SLC22A12: variants seen among roughly 807,000 people sequenced by gnomAD.
SLC22A12 encodes solute carrier family 22 member 12, also known as organic anion transporter 4-like protein.
SLC22A12 carries 56 observed loss-of-function variants against 52.7 expected under a neutral mutation model. The observed-to-expected ratio is 1.06, with a 90% CI of 0.86 to 1.33. SLC22A12 has a LOEUF of 1.33. Among genes scored for constraint, SLC22A12 ranks in the 40% most tolerant of loss-of-function variants. The probability of loss-of-function intolerance (pLI) is 0.00; values close to 1 mark genes in which losing one functional copy is unlikely to be tolerated. For synonymous variants in SLC22A12, 337 were observed against 324.6 expected (o/e 1.04, Z -0.41); for missense variants, 683 against 741.5 (o/e 0.92, Z 0.92).
In SLC22A12 at chr11:64,593,582, T is replaced by A. The variant is rs929021020; in HGVS notation, c.661+23T>A. Reference sequence around the variant, plus strand: ...TCCGTAGGTCTCTGACCTGGCGCCATGCAGGGGGGCTCCATGCAGGCTCCA... The same window carrying A: ...TCCGTAGGTCTCTGACCTGGCGCCAAGCAGGGGGGCTCCATGCAGGCTCCA... On this transcript the variant is annotated intron_variant, in intron 3 of 9. Coordinates refer to ENST00000377574, the MANE Select transcript of SLC22A12 (RefSeq NM_144585.4). 1.9e-6 allele frequency: 3 copies of A among 1,614,002 alleles called. No homozygotes were observed. The African/African-American group carries it at 4.0e-5, about 22-fold the overall frequency.
Position 64,592,887 on chromosome 11 carries a change from G to A in SLC22A12, c.506+5G>A. The A allele has an allele frequency of 1.2e-6, 2 of 1,612,138 alleles. No individual in the cohort carries two copies. The highest frequency in any genetic ancestry group is 1.7e-6 in the Non-Finnish European group (2 of 1,179,024). ...GTGCGGCCCTGCCTCAGACAGGTGA[G>A]TACCCCCAGTCCAGGCAGGTCCCAG... On this transcript the variant is annotated splice_donor_5th_base_variant and intron_variant, in intron 2 of 9. Transcript: ENST00000377574.
chr11:64,592,177 G>T (rs1013199344), intron 1 of SLC22A12, among the ~76,000 whole-genome samples: 24 of 152,286 alleles, frequency 1.6e-4, no homozygotes, highest in African/African-American at 5.5e-4. Context: ...GGTGCGGGGG[G>T]CACCTGGGCG....
At chr11:64,600,337 C>T (rs1428865103) in intron 7 of SLC22A12, 30 bp from the exon 8 acceptor site, 5 of 1,542,388 alleles carry the variant, frequency 3.2e-6, no homozygotes, top group Non-Finnish European at 4.4e-6. Flanking sequence ...GGCCCCCCAC[C>T]AAGCTCACTA....
At chr11:64,599,492 G>A (rs2039370093) in intron 6 of SLC22A12, among the ~76,000 whole-genome samples, 184 bp from the exon 7 acceptor site, 1 of 152,106 alleles carries the variant, frequency 6.6e-6, no homozygotes, top group Non-Finnish European at 1.5e-5. Flanking sequence ...TGCTGGCAAG[G>A]GGACCTGATA....
At position 64,600,380 on chromosome 11, in the gene SLC22A12, G is replaced by A. The variant is rs2039413615; in HGVS notation, c.1299G>A (p.Leu433=). 4 of 1,605,250 alleles carry A rather than the reference G, an allele frequency of 2.5e-6. No homozygotes were observed. The highest frequency in any genetic ancestry group is 3.4e-6 in the Non-Finnish European group (4 of 1,178,560). ...CTCTACCCACAGAAATGGGGGCTCT[G>A]CGCTCAGCCTTGGCCGTGCTGGGGC... ...NTLVPHEMGA[L]RSALAVLGLG... The change falls in exon 8 of 10, where the codon CTG becomes CTA. Residue 433 remains leucine (L), a synonymous_variant. Coordinates refer to ENST00000377574, the MANE Select transcript of SLC22A12 (RefSeq NM_144585.4).
intron 4 of SLC22A12, among the ~76,000 whole-genome samples, chr11:64,594,858 G>GATGGATGGATGGTTGGA (rs2039050579): frequency 6.7e-6 from 1 of 149,636 alleles, no homozygotes; most frequent in Non-Finnish European, 1.5e-5. Flanking sequence ...AGATGGAATG[G>GATGGATGGATGGTTGGA]ATGGATGGAT....
rs773056096 is a variant in SLC22A12 at position 64,601,590 on chromosome 11, G to C, written c.*39G>C. ...CTGCGATGGGACGGTCAGAGGAAGA[G>C]ACTTCTTCTGTTCTCTGGAGAAGGC... is the stretch of plus-strand genomic sequence containing the variant. On this transcript the variant is annotated 3_prime_UTR_variant, in exon 10 of 10. Coordinates refer to ENST00000377574, the MANE Select transcript of SLC22A12 (RefSeq NM_144585.4). 2 of 1,597,648 alleles carry C rather than the reference G, an allele frequency of 1.3e-6. No individual in the cohort carries two copies. The highest frequency in any genetic ancestry group is 1.7e-6 in the Non-Finnish European group (2 of 1,165,738).
At chr11:64,597,178 C>T (rs570860884) in intron 4 of SLC22A12, among the ~76,000 whole-genome samples, 5 of 152,226 alleles carry the variant, frequency 3.3e-5, no homozygotes, top group South Asian at 4.1e-4. Flanking sequence ...CCCTCTTCTC[C>T]GCCCAAACTG....
At chr11:64,596,099 T>G (rs1376919225) in intron 4 of SLC22A12, among the ~76,000 whole-genome samples, 1 of 150,962 alleles carries the variant, frequency 6.6e-6, no homozygotes, top group African/African-American at 2.4e-5. Context: ...AATGGATGGA[T>G]GGATGGAATG....
At chr11:64,596,259 G>A (rs2039224242) in intron 4 of SLC22A12, among the ~76,000 whole-genome samples, 4 of 131,258 alleles carry the variant, frequency 3.0e-5, no homozygotes, top group Non-Finnish European at 5.1e-5. Context: ...TGGATGGATG[G>A]ATGGATGGAT....
intron 4 of SLC22A12, among the ~76,000 whole-genome samples, chr11:64,595,330 GA>G (rs2039118106): frequency 8.0e-6 from 1 of 124,468 alleles, no homozygotes; most frequent in Non-Finnish European, 1.7e-5. Flanking sequence ...TGGATGGATG[GA>G]TGGTTGAATG....
At position 64,600,778 on chromosome 11, in the gene SLC22A12, G is replaced by A. The variant is rs200599563; in HGVS notation, c.1438G>A (p.Ala480Thr). 2 of 1,605,454 alleles carry A rather than the reference G, an allele frequency of 1.2e-6. No individual in the cohort carries two copies. Among genetic ancestry groups the A allele is most frequent in the East Asian group, 2.2e-5 (1 of 44,878 alleles). ...GGGCCAGATGGCAGCCCGTGGAGGAGCCATCCTGGGGCCTCTGGTCCGGCT... is the reference window on the plus strand; with the variant it reads ...GGGCCAGATGGCAGCCCGTGGAGGAACCATCCTGGGGCCTCTGGTCCGGCT... ...GLGQMAARGG[A>T]ILGPLVRLLG... is the part of the protein sequence containing the mutation. Residue 480 changes from alanine (A) to threonine (T), a missense_variant, in exon 9 of 10, where the codon GCC (alanine) becomes ACC (threonine). Ala to Thr is a moderately conservative substitution (Grantham distance 58). Coordinates refer to ENST00000377574, the MANE Select transcript of SLC22A12 (RefSeq NM_144585.4).
Position 64,602,088 on chromosome 11 carries a change from T to G in SLC22A12, c.*537T>G, listed in dbSNP as rs893795642. Reference sequence around the variant, plus strand: ...TGCCCGCCACATCCTCTGCCTGCTGTCCCCTTCCCACCCTCATCCCTGACC... The same window carrying G: ...TGCCCGCCACATCCTCTGCCTGCTGGCCCCTTCCCACCCTCATCCCTGACC... On this transcript the variant is annotated 3_prime_UTR_variant, in exon 10 of 10. Coordinates refer to ENST00000377574, the MANE Select transcript of SLC22A12 (RefSeq NM_144585.4). 1 of 198,350 alleles carries G rather than the reference T, an allele frequency of 5.0e-6. No individual in the cohort carries two copies. The highest frequency in any genetic ancestry group is 5.3e-5 in the Admixed American group (1 of 18,876). 12.3% of individuals were successfully genotyped at this position (198,350 alleles called of 1,614,324 possible).
rs111068644 is a variant in SLC22A12, at chr11:64,595,841, A to T, written c.830+2038A>T. Among the ~76,000 whole-genome samples, 62 of 7,468 alleles carry T rather than the reference A, an allele frequency of 8.3e-3. 1 individual carries two copies. Among genetic ancestry groups the T allele is most frequent in the East Asian group, 0.022 (3 of 134 alleles). The allele number at this position is 7,468 out of a possible 152,430, so 4.9% of individuals were successfully genotyped here. ...GATGGATGGACGGTTGAATGGATGGATGGATGGATGGATGGATAGTTGAAT... is the reference window on the plus strand; with the variant it reads ...GATGGATGGACGGTTGAATGGATGGTTGGATGGATGGATGGATAGTTGAAT... On this transcript the variant is annotated intron_variant, in intron 4 of 9. Transcript: ENST00000377574.
chr11:64,593,376 A>T (rs1166700162), intron 2 of SLC22A12, 29 bp from the exon 3 acceptor site: 12 of 1,613,774 alleles, frequency 7.4e-6, no homozygotes, highest in African/African-American at 1.3e-5. Flanking sequence ...CAAGCCACAG[A>T]CCCTGCCTCT....
Position 64,591,342 on chromosome 11 carries a change from C to T in SLC22A12, c.-215C>T. 1 of 629,850 alleles carries T rather than the reference C, an allele frequency of 1.6e-6. No individual in the cohort carries two copies. Among genetic ancestry groups the T allele is most frequent in the Non-Finnish European group, 2.7e-6 (1 of 367,336 alleles). The allele number at this position is 629,850 out of a possible 1,614,324, so 39.0% of individuals were successfully genotyped here. A position where few individuals can be genotyped will look rare whatever the true frequency, so the allele number is the denominator to read the frequency against. On this transcript the variant is annotated 5_prime_UTR_variant, in exon 1 of 10. Coordinates refer to ENST00000377574, the MANE Select transcript of SLC22A12 (RefSeq NM_144585.4). The stretch of plus-strand genomic sequence containing the variant: ...AGGTCTCGGAATCACCTCACGCGGC[C>T]TCAGGGCCCAGTTGGAGCCACCCCA...
chr11:64,602,025 C>T lies in SLC22A12; in HGVS notation c.*474C>T, dbSNP rs1434043458. 1 of 250,050 alleles carries T rather than the reference C, an allele frequency of 4.0e-6. No individual in the cohort carries two copies. Among genetic ancestry groups the T allele is most frequent in the Non-Finnish European group, 7.9e-6 (1 of 126,686 alleles). The allele number at this position is 250,050 out of a possible 1,614,324, so 15.5% of individuals were successfully genotyped here. ...ACCCAGAAGCCCTGTAAGCCTGGCCCCTGGCCCCTCCCCATGTCCCTCCAG... is the reference window on the plus strand; with the variant it reads ...ACCCAGAAGCCCTGTAAGCCTGGCCTCTGGCCCCTCCCCATGTCCCTCCAG... On this transcript the variant is annotated 3_prime_UTR_variant, in exon 10 of 10. Coordinates refer to ENST00000377574, the MANE Select transcript of SLC22A12 (RefSeq NM_144585.4).
At chr11:64,593,275 A>T (rs2038980027) in intron 2 of SLC22A12, 130 bp from the exon 3 acceptor site, 1 of 1,422,278 alleles carries the variant, frequency 7.0e-7, no homozygotes. Flanking sequence ...TGTAGGTTTC[A>T]CCCAGGTGCC....
chr11:64,600,357 C>T lies in SLC22A12; in HGVS notation c.1286-10C>T, dbSNP rs757534182. On this transcript the variant is annotated splice_polypyrimidine_tract_variant and intron_variant, in intron 7 of 9. Transcript: ENST00000377574. ...CCCACCAAGCTCACTAATCCCATCT[C>T]TACCCACAGAAATGGGGGCTCTGCG... 1 of 1,593,570 alleles carries T rather than the reference C, an allele frequency of 6.3e-7. No homozygotes were observed. The highest frequency in any genetic ancestry group is 2.2e-5 in the East Asian group (1 of 44,496).
Sources: gnomAD v4.1 joint callset for allele counts (sites outside exome capture counted in the v4.1 genomes callset) on GRCh38, gnomAD v4.1.1 for gene constraint, MANE v1.5 for transcripts, NCBI Gene and HGNC (gene_info 2026-07-23, HGNC 2026-07-21) for gene names.